TOX2: variants seen among roughly 807,000 people sequenced by gnomAD.
TOX2 encodes the protein TOX high mobility group box family member 2, also known as granulosa cell HMG box 1.
Under a neutral mutation model 47.4 loss-of-function variants are expected in TOX2, and 15 were observed. That is an observed-to-expected ratio of 0.32 (90% CI 0.21 to 0.49). TOX2 has a LOEUF of 0.49. Among genes scored for constraint, TOX2 ranks in the 20% least tolerant of loss-of-function variants. The pLI is 0.99. For missense variants in TOX2, 622 were observed against 673.1 expected (o/e 0.92, Z 0.84); for synonymous variants, 290 against 296.6 (o/e 0.98, Z 0.23).
chr20:43,993,126 G>C (rs1458011866), intron 2 of TOX2, among the ~76,000 whole-genome samples: 1 of 152,142 alleles, frequency 6.6e-6, no homozygotes, highest in African/African-American at 2.4e-5. Context: ...TGTCATAGGA[G>C]GTGAGACTGG....
intron 3 of TOX2, among the ~76,000 whole-genome samples, chr20:44,018,179 A>T (rs1320619113): frequency 2.0e-5 from 3 of 152,096 alleles, no homozygotes; most frequent in Admixed American, 1.3e-4. Context: ...TTCAGACCTG[A>T]TCACCACCCC....
At chr20:44,013,655 T>A (rs548863039) in intron 3 of TOX2, among the ~76,000 whole-genome samples, 86 of 152,354 alleles carry the variant, frequency 5.6e-4, no homozygotes, top group African/African-American at 2.0e-3. Flanking sequence ...TCTCATTATT[T>A]GGCAGGTCAG....
chr20:44,006,293 G>A (rs796786371), intron 2 of TOX2, among the ~76,000 whole-genome samples: 14 of 152,252 alleles, frequency 9.2e-5, no homozygotes, highest in South Asian at 6.2e-4. Context: ...AGGGGGAGCC[G>A]GCCCCCATTC....
intron 5 of TOX2, among the ~76,000 whole-genome samples, chr20:44,058,268 T>TG (rs1441491730): frequency 1.3e-5 from 2 of 152,188 alleles, no homozygotes; most frequent in African/African-American, 4.8e-5. Context: ...TCGGTGCTGT[T>TG]GGGGGTGCAT....
chr20:43,945,983 T>C (rs1313782585), intron 1 of TOX2: 2 of 1,614,136 alleles, frequency 1.2e-6, no homozygotes, highest in Non-Finnish European at 8.5e-7. Context: ...GGAATGAGAC[T>C]CGGGCTCCTT....
At chr20:43,959,993 C>A (rs1194231682) in intron 1 of TOX2, among the ~76,000 whole-genome samples, 1 of 152,096 alleles carries the variant, frequency 6.6e-6, no homozygotes, top group Non-Finnish European at 1.5e-5. Flanking sequence ...AATCTTCATT[C>A]CACCCCTTCC....
At position 43,979,687 on chromosome 20, in the gene TOX2, A is replaced by G. The variant is rs182739234; in HGVS notation, c.165+6255A>G. The stretch of plus-strand genomic sequence containing the variant: ...CTCAAATGACTCTATAGGAAAAAAA[A>G]TCTCGTAATCCAATTAAAAAATGGG... On this transcript the variant is annotated intron_variant, in intron 2 of 8. Transcript: ENST00000341197. Among the ~76,000 whole-genome samples, 30 of 152,302 alleles carry G rather than the reference A, an allele frequency of 2.0e-4. No homozygotes were observed. In the East Asian group the frequency reaches 2.7e-3, roughly 14 times the overall value.
chr20:43,967,394 C>T (rs1293085472), intron 1 of TOX2, among the ~76,000 whole-genome samples: 2 of 152,096 alleles, frequency 1.3e-5, no homozygotes, highest in South Asian at 2.1e-4. Context: ...AAGTGTGAAT[C>T]GAGTGAGAAG....
chr20:43,995,246 T>C (rs2070451500), intron 2 of TOX2, among the ~76,000 whole-genome samples: 1 of 152,174 alleles, frequency 6.6e-6, no homozygotes, highest in Non-Finnish European at 1.5e-5. Flanking sequence ...AGAAAGATTC[T>C]ATTAAACATG....
rs2070286245 is a variant in TOX2 at position 43,987,446 on chromosome 20, C to T, written c.165+14014C>T. Among the ~76,000 whole-genome samples the T allele has an allele frequency of 2.0e-5, 3 of 152,168 alleles. No homozygotes were observed. In the South Asian group the frequency reaches 6.2e-4, roughly 32 times the overall value. On this transcript the variant is annotated intron_variant, in intron 2 of 8. Coordinates refer to ENST00000341197, the MANE Select transcript of TOX2 (RefSeq NM_001098797.2). ...TCTCCCTTCCTTTGAGTGCTGTTTACACAAATCTGTTCACTTTATGAAAAT... is the reference window on the plus strand; with the variant it reads ...TCTCCCTTCCTTTGAGTGCTGTTTATACAAATCTGTTCACTTTATGAAAAT...
At chr20:43,948,206 C>G (rs145806668) in intron 1 of TOX2, among the ~76,000 whole-genome samples, 1 of 152,184 alleles carries the variant, frequency 6.6e-6, no homozygotes. Flanking sequence ...GGCCCAAACA[C>G]GGCAGGCACC....
At position 44,069,063 on chromosome 20, in the gene TOX2, A is replaced by C; in HGVS notation, c.*377A>C. 2.5e-6 allele frequency: 1 copy of C among 399,732 alleles called. No individual in the cohort carries two copies. Among genetic ancestry groups the C allele is most frequent in the African/African-American group, 2.1e-5 (1 of 48,582 alleles). The allele number at this position is 399,732 out of a possible 1,614,324, so 24.8% of individuals were successfully genotyped here. A position where few individuals can be genotyped will look rare whatever the true frequency, so the allele number is the denominator to read the frequency against. ...ACCAACGGACACCCACCCCAGATGC[A>C]TGGGCCAGAGGGCCGGCCCCCGGCA... On this transcript the variant is annotated 3_prime_UTR_variant, in exon 9 of 9. Coordinates refer to ENST00000341197, the MANE Select transcript of TOX2 (RefSeq NM_001098797.2).
chr20:43,950,698 A>G (rs2069546859), intron 1 of TOX2, among the ~76,000 whole-genome samples: 1 of 151,724 alleles, frequency 6.6e-6, no homozygotes, highest in African/African-American at 2.4e-5. Context: ...CTCTGTTTAA[A>G]CGTGCATACC....
chr20:44,050,676 A>C (rs2145749224), intron 3 of TOX2, among the ~76,000 whole-genome samples: 1 of 152,308 alleles, frequency 6.6e-6, no homozygotes, highest in South Asian at 2.1e-4. Flanking sequence ...GTAGGAAGAA[A>C]AGTACTCAAC....
At chr20:43,935,532 C>T (rs1291897879) in intron 1 of TOX2, among the ~76,000 whole-genome samples, 4 of 152,146 alleles carry the variant, frequency 2.6e-5, no homozygotes, top group African/African-American at 9.7e-5. Context: ...TATTTAACCC[C>T]TACAACAGCC....
At chr20:44,041,358 G>A (rs1393426702) in intron 3 of TOX2, among the ~76,000 whole-genome samples, 10 of 152,264 alleles carry the variant, frequency 6.6e-5, no homozygotes, top group Admixed American at 4.6e-4. Flanking sequence ...GGCGGGGTCC[G>A]GCACCGACAG....
chr20:44,019,113 A>AAATGAATG (rs564796604), intron 3 of TOX2, among the ~76,000 whole-genome samples: 1 of 148,396 alleles, frequency 6.7e-6, no homozygotes, highest in East Asian at 1.9e-4. Context: ...ACTGACTGAA[A>AAATGAATG]AATGAATGAA....
At chr20:43,932,965 T>C (rs2069275617) in intron 1 of TOX2, among the ~76,000 whole-genome samples, 1 of 152,102 alleles carries the variant, frequency 6.6e-6, no homozygotes, top group African/African-American at 2.4e-5. Context: ...AGGGGCAAAG[T>C]CCCTTCAAGA....
intron 2 of TOX2, among the ~76,000 whole-genome samples, chr20:44,002,315 C>A (rs2070597984): frequency 6.6e-6 from 1 of 152,176 alleles, no homozygotes; most frequent in Admixed American, 6.5e-5. Context: ...GTGTCCCTGT[C>A]CCCCATATCC....
Sources: gnomAD v4.1 joint callset for allele counts (sites outside exome capture counted in the v4.1 genomes callset) on GRCh38, gnomAD v4.1.1 for gene constraint, MANE v1.5 for transcripts, NCBI Gene and HGNC (gene_info 2026-07-23, HGNC 2026-07-21) for gene names.